Variants in ALG12 observed in about 807,000 individuals in gnomAD.
ALG12 encodes dol-P-Man:Man(7)GlcNAc(2)-PP-Dol alpha-1,6-mannosyltransferase.
Under a neutral mutation model 46.0 loss-of-function variants are expected in ALG12, and 36 were observed. That is an observed-to-expected ratio of 0.78 (90% CI 0.60 to 1.03). The LOEUF is 1.03. Among genes scored for constraint, ALG12 ranks in the 50% least tolerant of loss-of-function variants. The pLI is 0.00. For missense variants in ALG12, 599 were observed against 633.5 expected, an observed-to-expected ratio of 0.95 and a Z score of 0.58; for synonymous variants, 326 against 291.6, an observed-to-expected ratio of 1.12 and a Z score of -1.20.
rs1569177947 is a variant in ALG12, at chr22:49,913,394, G to C, written c.286C>G (p.Gln96Glu). 1.2e-6 allele frequency: 2 copies of C among 1,613,894 alleles called. No individual in the cohort carries two copies. Among genetic ancestry groups the C allele is most frequent in the East Asian group, 4.5e-5 (2 of 44,890 alleles). ...SLLEMSKFYS[Q>E]LIVRGVLGLG... is the part of the protein sequence containing the mutation. ...TTGAAGACCCCCTTACCTATTAGCT[G>C]AGAGTAAAACTTGGACATTTCTAAC... Residue 96 changes from glutamine (Q) to glutamate (E), a missense_variant, in exon 3 of 10, where the codon CAG (glutamine) becomes GAG (glutamate). Coordinates refer to ENST00000330817, the MANE Select transcript of ALG12 (RefSeq NM_024105.4).
At chr22:49,865,615 C>T in the ALG12 span, among the ~76,000 whole-genome samples, 2 of 152,124 alleles carry the variant, frequency 1.3e-5, no homozygotes, top group Admixed American at 6.5e-5. Flanking sequence ...GCAGAGGGTG[C>T]AGTGAGCAGA....
At chr22:49,910,759 A>G in intron 3 of ALG12, 152 bp from the exon 4 acceptor site, 1 of 916,162 alleles carries the variant, frequency 1.1e-6, no homozygotes, top group African/African-American at 1.6e-5. Flanking sequence ...AGCAGCCTTG[A>G]GGGCATCGTC....
the ALG12 span, among the ~76,000 whole-genome samples, chr22:49,868,052 C>G: frequency 1.3e-5 from 2 of 152,202 alleles, no homozygotes; most frequent in Admixed American, 1.3e-4. Flanking sequence ...TTCACACCAT[C>G]GTAAAGTTGC....
chr22:49,884,434 C>G, the ALG12 span: 36 of 1,613,998 alleles, frequency 2.2e-5, no homozygotes, highest in Non-Finnish European at 3.0e-5. Context: ...GTCTCCCCAC[C>G]TCCCTGCTCT....
rs1404131978 is a variant in ALG12 at position 49,910,567 on chromosome 22, C to T, written c.336G>A (p.Trp112Ter). 24 of 1,614,054 alleles carry T rather than the reference C, an allele frequency of 1.5e-5. No homozygotes were observed. Residue 112 changes from tryptophan to a stop codon, truncating the protein, a stop_gained, in exon 4 of 10, where the codon TGG becomes TGA. Coordinates refer to ENST00000330817, the MANE Select transcript of ALG12 (RefSeq NM_024105.4). LOFTEE classifies it high-confidence loss of function. ...VLGLGVIFGL[W>*]TLQKEVRRHF... The stretch of plus-strand genomic sequence containing the variant: ...GCCGTCTCACTTCCTTTTGTAACGT[C>T]CAGAGTCCAAAAATCACGCCGAGTC...
chr22:49,876,426 T>C, the ALG12 span, among the ~76,000 whole-genome samples: 1 of 152,258 alleles, frequency 6.6e-6, no homozygotes, highest in Admixed American at 6.5e-5. Flanking sequence ...TTCTCTCAGC[T>C]TTGCTTCGTG....
intron 7 of ALG12, among the ~76,000 whole-genome samples, chr22:49,907,394 G>A (rs1376893568): frequency 4.6e-5 from 7 of 152,176 alleles, no homozygotes; most frequent in South Asian, 2.1e-4. Flanking sequence ...ATGCCAGGCC[G>A]GTCCCATCCC....
chr22:49,899,638 A>T (rs944779923), downstream of ALG12, among the ~76,000 whole-genome samples: 4 of 152,184 alleles, frequency 2.6e-5, no homozygotes, highest in African/African-American at 9.7e-5. Context: ...CCCGCAGCCC[A>T]GCACTACCAC....
At chr22:49,888,479 T>C in the ALG12 span, 2 of 167,258 alleles carry the variant, frequency 1.2e-5, no homozygotes, top group Admixed American at 1.3e-4. Context: ...ATTTTTAGGA[T>C]AAGAAAACAG....
At chr22:49,913,546 C>A in intron 2 of ALG12, 29 bp from the exon 3 acceptor site, 1 of 1,613,890 alleles carries the variant, frequency 6.2e-7, no homozygotes, top group Non-Finnish European at 8.5e-7. Flanking sequence ...GTCAGTGCAC[C>A]GGGGCCCTGC....
chr22:49,910,804 C>T (rs1799779116), intron 3 of ALG12, among the ~76,000 whole-genome samples, 197 bp from the exon 4 acceptor site: 1 of 152,238 alleles, frequency 6.6e-6, no homozygotes, highest in Admixed American at 6.5e-5. Context: ...ACCCAGGCCC[C>T]CTGCGCTCCT....
chr22:49,884,738 T>C, the ALG12 span: 1 of 1,593,196 alleles, frequency 6.3e-7, no homozygotes, highest in Non-Finnish European at 8.6e-7. Flanking sequence ...CCCACTCTGC[T>C]GCCTTCCTTG....
the ALG12 span, among the ~76,000 whole-genome samples, chr22:49,861,919 A>G: frequency 2.0e-5 from 3 of 152,078 alleles, no homozygotes; most frequent in African/African-American, 7.2e-5. Flanking sequence ...GGGAGGATAC[A>G]TGTAATTTTG....
At chr22:49,904,147 T>G in intron 9 of ALG12, 32 bp downstream of exon 9, 1 of 1,614,112 alleles carries the variant, frequency 6.2e-7, no homozygotes, top group Non-Finnish European at 8.5e-7. Flanking sequence ...TCACATGGCC[T>G]CTGGGAGGGC....
At chr22:49,911,808 G>A (rs2060578125) in intron 3 of ALG12, among the ~76,000 whole-genome samples, 1 of 152,160 alleles carries the variant, frequency 6.6e-6, no homozygotes. Flanking sequence ...TTTTGGTGCT[G>A]GAATTTCCCC....
In ALG12 at chr22:49,913,690, C is replaced by G; in HGVS notation, c.76G>C (p.Val26Leu). The G allele has an allele frequency of 6.2e-7, 1 of 1,614,040 alleles. No homozygotes were observed. Among genetic ancestry groups the G allele is most frequent in the East Asian group, 2.2e-5 (1 of 44,884 alleles). Reference protein sequence around the residue: ...LLVAVATVHLVICPYTKVEES... With the variant: ...LLVAVATVHLLICPYTKVEES... ...TCCACTTTGGTGTAGGGACAGATGA[C>G]CAGGTGGACAGTGGCTACGGCCACC... Residue 26 changes from valine (V) to leucine (L), a missense_variant, in exon 2 of 10, where the codon GTC becomes CTC. By Grantham distance (32) the Val-to-Leu change is conservative. Coordinates refer to ENST00000330817, the MANE Select transcript of ALG12 (RefSeq NM_024105.4).
the ALG12 span, among the ~76,000 whole-genome samples, chr22:49,879,935 C>G: frequency 3.7e-5 from 5 of 135,162 alleles, no homozygotes; most frequent in African/African-American, 1.1e-4. Flanking sequence ...GTGTCTGGGC[C>G]TGTTTCTATT....
the ALG12 span, among the ~76,000 whole-genome samples, chr22:49,861,768 G>T: frequency 6.6e-6 from 1 of 152,224 alleles, no homozygotes; most frequent in Non-Finnish European, 1.5e-5. Flanking sequence ...CTCAGCACAT[G>T]TATGAATGTG....
chr22:49,913,466 C>T lies in ALG12; in HGVS notation c.214G>A (p.Val72Met), dbSNP rs1463767931. 1.2e-6 allele frequency: 2 copies of T among 1,614,024 alleles called. No individual in the cohort carries two copies. The highest frequency in any genetic ancestry group is 3.3e-5 in the Admixed American group (2 of 60,028). Residue 72 changes from valine to methionine, a missense_variant, in exon 3 of 10, where the codon GTG (valine) becomes ATG (methionine). Coordinates refer to ENST00000330817, the MANE Select transcript of ALG12 (RefSeq NM_024105.4). Reference sequence around the variant, plus strand: ...GGGCTGGAGAACACTGCGATCACCACTGGCCCGAGGAACGTCCTGGGGACG... The same window carrying T: ...GGGCTGGAGAACACTGCGATCACCATTGGCCCGAGGAACGTCCTGGGGACG... The part of the protein sequence containing the change: ...GVVPRTFLGP[V>M]VIAVFSSPAV...
Sources: allele counts gnomAD v4.1 joint callset (sites outside exome capture counted in the v4.1 genomes callset), GRCh38; gene constraint gnomAD v4.1.1; transcripts MANE v1.5; gene names NCBI Gene and HGNC (gene_info 2026-07-23, HGNC 2026-07-21).